Variants in LIPE observed in about 807,000 individuals in gnomAD.
LIPE encodes hormone-sensitive lipase.
In LIPE, 66 loss-of-function variants were observed where a neutral mutation model predicts 88.5. The ratio of observed to expected loss-of-function variants is 0.75; its 90% CI spans 0.61 to 0.91. LIPE has a LOEUF of 0.91. Ranked by LOEUF, LIPE falls within the 40% of genes least tolerant of loss-of-function variation. LIPE has a pLI of 0.00. For missense variants in LIPE, 1,346 were observed against 1,434.7 expected (o/e 0.94, Z 1.00); for synonymous variants, 570 against 617.5 (o/e 0.92, Z 1.14).
intron 1 of LIPE, among the ~76,000 whole-genome samples, chr19:42,420,649 A>G (rs1306061117): frequency 2.0e-5 from 3 of 151,868 alleles, no homozygotes; most frequent in African/African-American, 7.3e-5. Flanking sequence ...GGCCTCTGGA[A>G]CCTGGCCCTT....
chr19:42,426,236 G>T (rs200249618), intron 1 of LIPE, 31 bp downstream of exon 1: 2 of 1,573,310 alleles, frequency 1.3e-6, no homozygotes, highest in Admixed American at 1.8e-5. Context: ...CTGTCCCTGA[G>T]AGGCTTCAAT....
In LIPE at chr19:42,402,659, G is replaced by A. The variant is rs1357897193; in HGVS notation, c.2915C>T (p.Pro972Leu). The A allele has an allele frequency of 1.3e-6, 2 of 1,498,408 alleles. No homozygotes were observed. The highest frequency in any genetic ancestry group is 1.8e-6 in the Non-Finnish European group (2 of 1,121,792). The allele number at this position is 1,498,408 out of a possible 1,614,324, so 92.8% of individuals were successfully genotyped here. A position where few individuals can be genotyped will look rare whatever the true frequency, so the allele number is the denominator to read the frequency against. The change falls in exon 9 of 10, where the codon CCG (proline) becomes CTG (leucine). Residue 972 changes from proline to leucine, a missense_variant. Physicochemically the swap from Pro to Leu is moderately conservative, Grantham distance 98. Coordinates refer to ENST00000244289, the MANE Select transcript of LIPE (RefSeq NM_005357.4). ...SPIVKNPFMS[P>L]LLAPDSMLKS... is the part of the protein sequence containing the mutation. ...GAGCATGCTGTCGGGTGCCAGCAGC[G>A]GCGACATGAAGGGGTTCTTGACTAT...
At position 42,404,392 on chromosome 19, in the gene LIPE, G is replaced by A. The variant is rs181111830; in HGVS notation, c.2542+993C>T. On this transcript the variant is annotated intron_variant, in intron 8 of 9. Coordinates refer to ENST00000244289, the MANE Select transcript of LIPE (RefSeq NM_005357.4). ...ATTACAGATGCATGCCACCATGCCC[G>A]GCTAATTTTTGTATTTTTAGTAGGG... 3.3e-3 allele frequency among the ~76,000 whole-genome samples: 499 copies of A among 152,120 alleles called. 2 individuals are homozygous for A. The highest frequency in any genetic ancestry group is 0.017 in the Middle Eastern group (5 of 294).
chr19:42,403,920 G>A lies in LIPE; in HGVS notation c.2543-889C>T, dbSNP rs146794837. ...GTGTTCTTCAGTTTTATCCGTTCACGTGACCAGGCAAGCAAGTGCCCAAAC... is the reference window on the plus strand; with the variant it reads ...GTGTTCTTCAGTTTTATCCGTTCACATGACCAGGCAAGCAAGTGCCCAAAC... On this transcript the variant is annotated intron_variant, in intron 8 of 9. Coordinates refer to ENST00000244289, the MANE Select transcript of LIPE (RefSeq NM_005357.4). 9.9e-4 allele frequency among the ~76,000 whole-genome samples: 151 copies of A among 152,218 alleles called. 2 individuals carry two copies. The Middle Eastern group carries it at 0.014, about 14-fold the overall frequency.
Position 42,407,636 on chromosome 19 carries a change from C to T in LIPE, c.1812G>A (p.Arg604=). Residue 604 remains arginine, a synonymous_variant, in exon 5 of 10, where the codon AGG becomes AGA. Coordinates refer to ENST00000244289, the MANE Select transcript of LIPE (RefSeq NM_005357.4). This position sits in a 1 kb window ranked among gnomAD's most constrained non-coding sequence, Gnocchi z 5.8. ...AHTGPGPVLV[R]LISYDLREGQ... The stretch of plus-strand genomic sequence containing the variant: ...CTTCACGCAGGTCATAGGAGATGAG[C>T]CTGACGAGGACGGGCCCAGGGCCTG... The T allele has an allele frequency of 6.2e-7, 1 of 1,611,260 alleles. No homozygotes were observed. The highest frequency in any genetic ancestry group is 8.5e-7 in the Non-Finnish European group (1 of 1,178,572).
intron 1 of LIPE, among the ~76,000 whole-genome samples, chr19:42,416,081 G>A (rs552944645): frequency 1.3e-5 from 2 of 152,282 alleles, no homozygotes; most frequent in South Asian, 4.1e-4. Context: ...CGTGGCTCAC[G>A]ATTGTAATCC....
chr19:42,423,856 G>T (rs2040654191), intron 1 of LIPE: 1 of 1,123,544 alleles, frequency 8.9e-7, no homozygotes, highest in Non-Finnish European at 1.1e-6. Flanking sequence ...CCCCAGCAGG[G>T]AAGTCCCGAT....
chr19:42,405,766 T>G (rs2040150927), intron 7 of LIPE: 1 of 586,322 alleles, frequency 1.7e-6, no homozygotes, highest in African/African-American at 1.9e-5. Flanking sequence ...GCCCAGGAGT[T>G]CAAGACCAGC....
chr19:42,402,877 C>G lies in LIPE; in HGVS notation c.2697G>C (p.Glu899Asp), dbSNP rs375072131. ...SDTPEMSLSA[E>D]TLSPSTPSDV... ...CGGAGGGTGTGGAGGGGCTAAGTGT[C>G]TCAGCTGACAGCGACATCTCGGGGG... is the stretch of plus-strand genomic sequence containing the variant. The change falls in exon 9 of 10, where the codon GAG (glutamate) becomes GAC (aspartate). Residue 899 changes from glutamate (E) to aspartate (D), a missense_variant. Physicochemically the swap from Glu to Asp is conservative, Grantham distance 45. Coordinates refer to ENST00000244289, the MANE Select transcript of LIPE (RefSeq NM_005357.4). 2 of 1,613,798 alleles carry G rather than the reference C, an allele frequency of 1.2e-6. No individual in the cohort carries two copies. The highest frequency in any genetic ancestry group is 1.7e-6 in the Non-Finnish European group (2 of 1,179,970).
chr19:42,408,692 C>T lies in LIPE; in HGVS notation c.1420-370G>A, dbSNP rs549892848. On this transcript the variant is annotated intron_variant, in intron 2 of 9. Coordinates refer to ENST00000244289, the MANE Select transcript of LIPE (RefSeq NM_005357.4). The surrounding 1 kb of genome is among the most constrained non-coding windows in gnomAD (Gnocchi z 4.3). ...TGTTCCCTGCACAGGGAACAGAGAG[C>T]ATGAAGGCTTAAAGGTGAGCTCATA... 1.3e-5 allele frequency among the ~76,000 whole-genome samples: 2 copies of T among 151,584 alleles called. No individual in the cohort carries two copies. The highest frequency in any genetic ancestry group is 4.2e-4 in the South Asian group (2 of 4,774).
In LIPE at chr19:42,426,813, A is replaced by T; in HGVS notation, c.337T>A (p.Ser113Thr). The T allele has an allele frequency of 6.2e-7, 1 of 1,613,972 alleles. No homozygotes were observed. The highest frequency in any genetic ancestry group is 8.5e-7 in the Non-Finnish European group (1 of 1,179,976). ...RVLLTQQEAA[S>T]QQGPGLGKES... ...TTTCCTAGCCCAGGTCCCTGCTGGGAGGCAGCTTCCTGTTGAGTGAGCAGC... is the reference window on the plus strand; with the variant it reads ...TTTCCTAGCCCAGGTCCCTGCTGGGTGGCAGCTTCCTGTTGAGTGAGCAGC... The change falls in exon 1 of 10, where the codon TCC (serine) becomes ACC (threonine). Residue 113 changes from serine to threonine, a missense_variant. By Grantham distance (58) the Ser-to-Thr change is moderately conservative. Coordinates refer to ENST00000244289, the MANE Select transcript of LIPE (RefSeq NM_005357.4).
chr19:42,411,433 G>T, intron 1 of LIPE: 1 of 593,662 alleles, frequency 1.7e-6, no homozygotes, highest in Non-Finnish European at 2.1e-6. Flanking sequence ...CAGGAGTCCG[G>T]GTCCCCCATC....
At chr19:42,423,586 G>A (rs1366575411) in intron 1 of LIPE, 7 of 1,212,966 alleles carry the variant, frequency 5.8e-6, no homozygotes, top group Non-Finnish European at 7.3e-6. Context: ...GCGAGGCCCT[G>A]CCCGGAGGGC....
chr19:42,411,243 A>C, intron 1 of LIPE: 1 of 923,932 alleles, frequency 1.1e-6, no homozygotes, highest in Non-Finnish European at 1.3e-6. Context: ...AGCCCACACG[A>C]CTCTGCTTCC....
intron 1 of LIPE, among the ~76,000 whole-genome samples, chr19:42,421,337 C>T (rs1031750202): frequency 1.3e-5 from 2 of 152,214 alleles, no homozygotes; most frequent in African/African-American, 4.8e-5. Flanking sequence ...TGTTCCCCTG[C>T]CTGCCCCCTG....
At position 42,426,915 on chromosome 19, in the gene LIPE, GT is replaced by G. The variant is rs1399507613; in HGVS notation, c.234del (p.Gln78HisfsTer42). Reference protein sequence around the residue: ...DAESQKEPRAQQKSASQEEFL... With the variant: ...DAESQKEPRAXQKSASQEEFL... ...AATTCCTCTTGTGAAGCAGATTTTT[GT>G]TGGGCTCTAGGTTCCTTCTGGGATT... On this transcript the variant is annotated frameshift_variant, in exon 1 of 10. Transcript: ENST00000244289. LOFTEE classifies it high-confidence loss of function. 6.2e-7 allele frequency: 1 copy of G among 1,614,052 alleles called. No homozygotes were observed. The highest frequency in any genetic ancestry group is 1.3e-5 in the African/African-American group (1 of 74,916).
rs866722719 is a variant in LIPE, at chr19:42,402,609, C to T, written c.2965G>A (p.Val989Met). The T allele has an allele frequency of 6.7e-7, 1 of 1,483,610 alleles. No homozygotes were observed. The highest frequency in any genetic ancestry group is 9.0e-7 in the Non-Finnish European group (1 of 1,114,416). The allele number at this position is 1,483,610 out of a possible 1,614,324, so 91.9% of individuals were successfully genotyped here. A position where few individuals can be genotyped will look rare whatever the true frequency, so the allele number is the denominator to read the frequency against. ...MLKSLPPVHI[V>M]ACALDPMLDD... ...TACCGGCCCCCTCTGTCGCTCACCACGATGTGCACAGGTGGCAGGCTCTTG... is the reference window on the plus strand; with the variant it reads ...TACCGGCCCCCTCTGTCGCTCACCATGATGTGCACAGGTGGCAGGCTCTTG... Residue 989 changes from valine to methionine, a missense_variant and splice_region_variant, in exon 9 of 10, where the codon GTG becomes ATG. Val to Met is a conservative substitution (Grantham distance 21, BLOSUM62 1). Coordinates refer to ENST00000244289, the MANE Select transcript of LIPE (RefSeq NM_005357.4).
At position 42,401,856 on chromosome 19, in the gene LIPE, T is replaced by TCTCCCCGCTCGGCCCGG. The variant is rs2039981431; in HGVS notation, c.3170_3186dup (p.Thr1063ProfsTer12). ...CCCCCGTCTACCCCCGCAGCCCCCGTCTCCCCGCTCGGCCCGGCTCCGGCG... is the reference window on the plus strand; with the variant it reads ...CCCCCGTCTACCCCCGCAGCCCCCGTCTCCCCGCTCGGCCCGGCTCCCCGCTCGGCCCGGCTCCGGCG... On this transcript the variant is annotated frameshift_variant, in exon 10 of 10. Coordinates refer to ENST00000244289, the MANE Select transcript of LIPE (RefSeq NM_005357.4). LOFTEE classifies it low-confidence loss of function (END_TRUNC). The TCTCCCCGCTCGGCCCGG allele has an allele frequency of 3.6e-6, 5 of 1,390,576 alleles. No homozygotes were observed. The highest frequency in any genetic ancestry group is 4.9e-6 in the Non-Finnish European group (5 of 1,030,084). The allele number at this position is 1,390,576 out of a possible 1,614,324, so 86.1% of individuals were successfully genotyped here.
rs886286178 is a variant in LIPE at position 42,407,683 on chromosome 19, T to G, written c.1765A>C (p.Ile589Leu). The change falls in exon 5 of 10, where the codon ATC becomes CTC. Residue 589 changes from isoleucine to leucine, a missense_variant. Coordinates refer to ENST00000244289, the MANE Select transcript of LIPE (RefSeq NM_005357.4). This position sits in a 1 kb window ranked among gnomAD's most constrained non-coding sequence, Gnocchi z 5.8. The stretch of plus-strand genomic sequence containing the variant: ...CCTGTGTGGGCCAGTGGGGGTGAGA[T>G]GGTGACCGTGAGCGTGGGGTCGGCA... Reference protein sequence around the residue: ...LTADPTLTVTISPPLAHTGPG... With the variant: ...LTADPTLTVTLSPPLAHTGPG... 59 of 1,604,034 alleles carry G rather than the reference T, an allele frequency of 3.7e-5. No homozygotes were observed. The highest frequency in any genetic ancestry group is 5.0e-5 in the Non-Finnish European group (59 of 1,175,448).
Sources: allele counts gnomAD v4.1 joint callset (sites outside exome capture counted in the v4.1 genomes callset), GRCh38; gene constraint gnomAD v4.1.1; non-coding constraint Gnocchi (gnomAD v3.1); transcripts MANE v1.5; gene names NCBI Gene and HGNC (gene_info 2026-07-23, HGNC 2026-07-21).